Variants in LARP4B observed in about 807,000 individuals in gnomAD.
The protein encoded by LARP4B is la-related protein 4B.
LARP4B carries 12 observed loss-of-function variants against 89.8 expected under a neutral mutation model. The observed-to-expected ratio is 0.13, with a 90% CI of 0.09 to 0.22. The LOEUF (loss-of-function observed/expected upper bound fraction) is 0.22, where lower values mean the gene tolerates loss of function less well. Among genes scored for constraint, LARP4B ranks in the 10% least tolerant of loss-of-function variants. The pLI, the probability that LARP4B is intolerant of heterozygous loss-of-function variation, is 1.00. For synonymous variants in LARP4B, 367 were observed against 363.3 expected, an observed-to-expected ratio of 1.01 and a Z score of -0.12; for missense variants, 757 against 947.7, an observed-to-expected ratio of 0.80 and a Z score of 2.64.
chr10:881,622 T>C (rs1835671003), intron 3 of LARP4B, among the ~76,000 whole-genome samples: 1 of 152,218 alleles, frequency 6.6e-6, no homozygotes, highest in South Asian at 2.1e-4. Flanking sequence ...TGCAAAGTAC[T>C]GTAATCATAA....
chr10:889,501 C>T (rs975792405), intron 1 of LARP4B, among the ~76,000 whole-genome samples: 9 of 152,208 alleles, frequency 5.9e-5, no homozygotes, highest in African/African-American at 1.9e-4. Flanking sequence ...ATGGAGAGAA[C>T]GTGCCAACTC....
chr10:863,942 C>A, intron 4 of LARP4B, 59 bp from the exon 5 acceptor site: 4 of 1,577,996 alleles, frequency 2.5e-6, no homozygotes, highest in Non-Finnish European at 2.6e-6. Context: ...TCTCTTAAAA[C>A]AAAGCTTACA....
At chr10:909,109 A>C (rs1257193035) in intron 1 of LARP4B, among the ~76,000 whole-genome samples, 1 of 152,032 alleles carries the variant, frequency 6.6e-6, no homozygotes, top group Non-Finnish European at 1.5e-5. Context: ...CCTGGCTAAC[A>C]CGGTGAAACC....
rs1265356602 is a variant in LARP4B at position 848,964 on chromosome 10, T to C, written c.431-3909A>G. Among the ~76,000 whole-genome samples the C allele has an allele frequency of 7.2e-5, 11 of 152,226 alleles. No homozygotes were observed. The South Asian group carries it at 8.3e-4, about 11-fold the overall frequency. ...AATAAAAACATATATTGTCAGTTTA[T>C]AGCATAAGTAACTGCAAAAGGCATG... On this transcript the variant is annotated intron_variant, in intron 5 of 17. Coordinates refer to ENST00000316157, the MANE Select transcript of LARP4B (RefSeq NM_015155.3).
chr10:927,087 G>A (rs1837161878), intron 1 of LARP4B, among the ~76,000 whole-genome samples: 1 of 151,804 alleles, frequency 6.6e-6, no homozygotes, highest in Non-Finnish European at 1.5e-5. Context: ...TTTCAATATT[G>A]CAATGTACTC....
chr10:973,147 A>C, the LARP4B span, among the ~76,000 whole-genome samples: 1 of 152,094 alleles, frequency 6.6e-6, no homozygotes, highest in Non-Finnish European at 1.5e-5. Context: ...GGGATGTGCT[A>C]TGAGAGTCCC....
In LARP4B at chr10:814,571, A is replaced by C. The variant is rs1406738644; in HGVS notation, c.1929+171T>G. On this transcript the variant is annotated intron_variant, in intron 17 of 17. Coordinates refer to ENST00000316157, the MANE Select transcript of LARP4B (RefSeq NM_015155.3). This position sits in a 1 kb window ranked among gnomAD's most constrained non-coding sequence, Gnocchi z 4.4. ...GAACTAGAGTAGTTAGTGGAAAATT[A>C]TTAGCAAATATTAAAGGTATTTTGT... 2.6e-5 allele frequency: 38 copies of C among 1,448,354 alleles called. No individual in the cohort carries two copies. The highest frequency in any genetic ancestry group is 3.6e-5 in the Non-Finnish European group (38 of 1,058,100). The allele number at this position is 1,448,354 out of a possible 1,614,324, so 89.7% of individuals were successfully genotyped here.
chr10:931,728 G>C (rs979733410), upstream of LARP4B: 2 of 151,276 alleles, frequency 1.3e-5, no homozygotes, highest in African/African-American at 4.8e-5. Flanking sequence ...CCCTGCGGAA[G>C]TCCCGCCCCC....
intron 11 of LARP4B, among the ~76,000 whole-genome samples, chr10:827,042 A>AG (rs539938654): frequency 7.2e-5 from 11 of 152,164 alleles, no homozygotes; most frequent in Non-Finnish European, 1.2e-4. Context: ...TGGGAGGCCA[A>AG]GGGGGGGCGG....
At chr10:905,967 T>C (rs1318485547) in intron 1 of LARP4B, among the ~76,000 whole-genome samples, 1 of 152,252 alleles carries the variant, frequency 6.6e-6, no homozygotes, top group African/African-American at 2.4e-5. Flanking sequence ...TCTTCTGCAC[T>C]AAGTAGGGCA....
At chr10:883,797 C>A (rs1835763498) in intron 3 of LARP4B, among the ~76,000 whole-genome samples, 2 of 151,104 alleles carry the variant, frequency 1.3e-5, no homozygotes, top group South Asian at 2.1e-4. Context: ...ATTGGATTAA[C>A]AATCCAACTC....
At chr10:903,347 T>C (rs757656270) in intron 1 of LARP4B, 2 of 152,216 alleles carry the variant, frequency 1.3e-5, no homozygotes, top group Non-Finnish European at 2.9e-5. Context: ...ATCTTACCTT[T>C]TGGACAAAGA....
At chr10:838,696 A>G (rs1289892434) in intron 7 of LARP4B, among the ~76,000 whole-genome samples, 1 of 152,218 alleles carries the variant, frequency 6.6e-6, no homozygotes, top group Non-Finnish European at 1.5e-5. Context: ...TTTGGGAGAC[A>G]CTTTGGTGGC....
At chr10:852,350 A>G (rs1289381967) in intron 5 of LARP4B, among the ~76,000 whole-genome samples, 2 of 152,232 alleles carry the variant, frequency 1.3e-5, no homozygotes, top group Non-Finnish European at 2.9e-5. Flanking sequence ...CACATTTGAA[A>G]AACAATTAAT....
chr10:809,932 G>T lies in LARP4B; in HGVS notation c.*2994C>A, dbSNP rs930258200. The T allele has an allele frequency of 6.6e-6, 1 of 152,332 alleles. No homozygotes were observed. Among genetic ancestry groups the T allele is most frequent in the South Asian group, 2.1e-4 (1 of 4,836 alleles). The allele number at this position is 152,332 out of a possible 1,614,324, so 9.4% of individuals were successfully genotyped here. Reference sequence around the variant, plus strand: ...CAACGCAGGACGTTTACGGCCACCCGCCAGTGACAGCCGGTGATGTGATGA... The same window carrying T: ...CAACGCAGGACGTTTACGGCCACCCTCCAGTGACAGCCGGTGATGTGATGA... On this transcript the variant is annotated 3_prime_UTR_variant, in exon 18 of 18. Coordinates refer to ENST00000316157, the MANE Select transcript of LARP4B (RefSeq NM_015155.3).
chr10:959,238 A>G, the LARP4B span, among the ~76,000 whole-genome samples: 1 of 152,130 alleles, frequency 6.6e-6, no homozygotes, highest in African/African-American at 2.4e-5. Flanking sequence ...AAATATGCGT[A>G]TTCTCCCCTA....
At chr10:975,987 T>C in the LARP4B span, among the ~76,000 whole-genome samples, 21 of 126,794 alleles carry the variant, frequency 1.7e-4, no homozygotes, top group Middle Eastern at 5.9e-3. Context: ...GGTAGGCCTG[T>C]CACGTAATGT....
intron 7 of LARP4B, 47 bp from the exon 8 acceptor site, chr10:836,553 T>C (rs766364547): frequency 1.7e-6 from 2 of 1,209,826 alleles, no homozygotes; most frequent in Non-Finnish European, 2.4e-6. Context: ...TATTAAAATA[T>C]GATATGCCAG....
intron 1 of LARP4B, among the ~76,000 whole-genome samples, chr10:915,587 G>A (rs193218427): frequency 5.1e-4 from 78 of 152,164 alleles, no homozygotes; most frequent in Non-Finnish European, 8.1e-4. Context: ...GGTGGATCAC[G>A]AGGTCAGGAG....
Sources: allele counts gnomAD v4.1 joint callset (sites outside exome capture counted in the v4.1 genomes callset), GRCh38; gene constraint gnomAD v4.1.1; non-coding constraint Gnocchi (gnomAD v3.1); transcripts MANE v1.5; gene names NCBI Gene and HGNC (gene_info 2026-07-23, HGNC 2026-07-21).